Variants in DNAH7 observed in about 807,000 individuals in gnomAD.
The protein encoded by DNAH7 is axonemal beta dynein heavy chain 7.
A neutral mutation model predicts 444.6 loss-of-function variants in DNAH7; 397 were observed. The observed-to-expected ratio is 0.89, with a 90% CI of 0.82 to 0.97. The LOEUF (loss-of-function observed/expected upper bound fraction) is 0.97, where lower values mean the gene tolerates loss of function less well. DNAH7 is among the 50% of genes least tolerant of loss of function. DNAH7 has a pLI of 0.00. For missense variants in DNAH7, 4,902 were observed against 4,800.8 expected (o/e 1.02, Z -0.62); for synonymous variants, 1,636 against 1,624.4 (o/e 1.01, Z -0.17).
intron 11 of DNAH7, among the ~76,000 whole-genome samples, chr2:196,001,375 T>TTTTC (rs1460422025): frequency 6.6e-6 from 1 of 152,054 alleles, no homozygotes; most frequent in Admixed American, 6.5e-5. Context: ...ATTAACTCTT[T>TTTTC]TTTTTTTGAG....
At chr2:195,959,897 C>T (rs1690960261) in intron 18 of DNAH7, among the ~76,000 whole-genome samples, 1 of 152,018 alleles carries the variant, frequency 6.6e-6, no homozygotes, top group African/African-American at 2.4e-5. Flanking sequence ...TTCACAGATA[C>T]AAAATTATTT....
intron 21 of DNAH7, among the ~76,000 whole-genome samples, chr2:195,932,739 C>T (rs1424893981): frequency 6.6e-6 from 1 of 152,140 alleles, no homozygotes; most frequent in Non-Finnish European, 1.5e-5. Context: ...TTGTGTGTGT[C>T]GAACCAGCCT....
At chr2:195,957,504 T>C in intron 18 of DNAH7, 57 bp from the exon 19 acceptor site, 1 of 1,402,040 alleles carries the variant, frequency 7.1e-7, no homozygotes, top group Non-Finnish European at 9.5e-7. Context: ...ATGTTTCAAA[T>C]GACAAAATTC....
chr2:195,746,519 C>G (rs1429551177), intron 63 of DNAH7, among the ~76,000 whole-genome samples: 1 of 152,172 alleles, frequency 6.6e-6, no homozygotes. Flanking sequence ...ACAGAACTCT[C>G]CACCCCAAAT....
intron 63 of DNAH7, among the ~76,000 whole-genome samples, chr2:195,751,936 G>A (rs1367428449): frequency 6.6e-6 from 1 of 152,166 alleles, no homozygotes; most frequent in Non-Finnish European, 1.5e-5. Context: ...GGTAATGACA[G>A]TAGGGAGACA....
At chr2:195,943,859 T>C (rs1559253866) in intron 19 of DNAH7, among the ~76,000 whole-genome samples, 3 of 152,300 alleles carry the variant, frequency 2.0e-5, no homozygotes, top group Admixed American at 1.3e-4. Context: ...CCGGTTGACA[T>C]GTACAGACTA....
chr2:195,756,884 TG>T (rs1449526051), intron 61 of DNAH7, among the ~76,000 whole-genome samples: 2 of 151,058 alleles, frequency 1.3e-5, no homozygotes, highest in African/African-American at 4.9e-5. Context: ...CCCAGTGACT[TG>T]GGGGGATGAG....
At chr2:195,884,534 G>C (rs542787009) in intron 35 of DNAH7, 51 bp downstream of exon 35, 4 of 1,365,668 alleles carry the variant, frequency 2.9e-6, no homozygotes, top group East Asian at 2.3e-5. Context: ...ATGTGTCAGA[G>C]AGGGGACTCT....
At position 195,936,679 on chromosome 2, in the gene DNAH7, TTTC is replaced by T. The variant is rs754395287; in HGVS notation, c.3189_3191del (p.Lys1064del). Reference sequence around the variant, plus strand: ...AAAAGAATCTGGGGAAAAAGAGGCGTTTCTTTTCCAAATATTCATTAAGTCCTT... The same window carrying T: ...AAAAGAATCTGGGGAAAAAGAGGCGTTTTTCCAAATATTCATTAAGTCCTT... On this transcript the variant is annotated inframe_deletion, in exon 20 of 65. Coordinates refer to ENST00000312428, the MANE Select transcript of DNAH7 (RefSeq NM_018897.3). The T allele has an allele frequency of 1.9e-6, 3 of 1,605,232 alleles. 1 individual carries two copies. The Admixed American group carries it at 5.1e-5, about 27-fold the overall frequency.
chr2:195,933,395 C>T (rs890695610), intron 21 of DNAH7, among the ~76,000 whole-genome samples: 132 of 152,186 alleles, frequency 8.7e-4, no homozygotes, highest in Non-Finnish European at 1.3e-3. Flanking sequence ...CATCCCATTA[C>T]TGGGTCTATA....
intron 9 of DNAH7, 57 bp downstream of exon 9, chr2:196,019,113 T>C (rs2125748737): frequency 1.5e-6 from 2 of 1,360,978 alleles, no homozygotes; most frequent in East Asian, 2.6e-5. Flanking sequence ...AATTAAGATA[T>C]AGTAAAACAA....
At chr2:196,027,442 CAA>C (rs939327008) in intron 6 of DNAH7, among the ~76,000 whole-genome samples, 12 of 151,672 alleles carry the variant, frequency 7.9e-5, no homozygotes, top group Non-Finnish European at 1.5e-4. Context: ...CATTTTAAAA[CAA>C]GTTATTATTT....
At chr2:195,823,478 C>T (rs1574496988) in intron 49 of DNAH7, among the ~76,000 whole-genome samples, 1 of 152,310 alleles carries the variant, frequency 6.6e-6, no homozygotes, top group East Asian at 1.9e-4. Context: ...CTCTGCCTCT[C>T]TGCAGAGAGA....
At chr2:195,799,198 G>T (rs1696324109) in intron 55 of DNAH7, 98 bp downstream of exon 55, 2 of 1,093,594 alleles carry the variant, frequency 1.8e-6, no homozygotes, top group South Asian at 3.1e-5. Context: ...AAGGTTGAAT[G>T]ACAAATTTCT....
Position 196,026,681 on chromosome 2 carries a change from T to C in DNAH7, c.667+79A>G, listed in dbSNP as rs1169221663. The stretch of plus-strand genomic sequence containing the variant: ...TTATAATATTGTGACTAGTTTCAAG[T>C]ATAGGTATTATTAATACAAAAATAA... On this transcript the variant is annotated intron_variant, in intron 7 of 64. Coordinates refer to ENST00000312428, the MANE Select transcript of DNAH7 (RefSeq NM_018897.3). The C allele has an allele frequency of 4.1e-6, 4 of 967,362 alleles. No individual in the cohort carries two copies. In the East Asian group the frequency reaches 1.1e-4, roughly 26 times the overall value. The allele number at this position is 967,362 out of a possible 1,614,324, so 59.9% of individuals were successfully genotyped here. A position where few individuals can be genotyped will look rare whatever the true frequency, so the allele number is the denominator to read the frequency against.
rs184997532 is a variant in DNAH7, at chr2:195,852,699, G to T, written c.8781+644C>A. On this transcript the variant is annotated intron_variant, in intron 46 of 64. Coordinates refer to ENST00000312428, the MANE Select transcript of DNAH7 (RefSeq NM_018897.3). ...TCCTAGGGTTAGATGTTCCGCCAGG[G>T]AGAAGAAAGAGGCAGAATCAGTCAG... Among the ~76,000 whole-genome samples, 11 of 152,280 alleles carry T rather than the reference G, an allele frequency of 7.2e-5. No individual in the cohort carries two copies. In the East Asian group the frequency reaches 1.7e-3, roughly 24 times the overall value.
chr2:195,836,942 C>T lies in DNAH7; in HGVS notation c.8946-2582G>A, dbSNP rs538953465. On this transcript the variant is annotated intron_variant, in intron 47 of 64. Transcript: ENST00000312428. ...CATTTAAGTCCTACTCATGTTTGAACATCAGCTCAAAAGCTATATAGTCCA... is the reference window on the plus strand; with the variant it reads ...CATTTAAGTCCTACTCATGTTTGAATATCAGCTCAAAAGCTATATAGTCCA... Among the ~76,000 whole-genome samples the T allele has an allele frequency of 8.5e-5, 13 of 152,306 alleles. No individual in the cohort carries two copies. In the South Asian group the frequency reaches 2.5e-3, roughly 29 times the overall value.
intron 57 of DNAH7, among the ~76,000 whole-genome samples, chr2:195,788,730 C>T (rs1319793312): frequency 2.6e-5 from 4 of 151,994 alleles, no homozygotes; most frequent in Non-Finnish European, 4.4e-5. Context: ...AAGGGACATA[C>T]AAATATGGAA....
rs765064197 is a variant in DNAH7, at chr2:195,810,407, ATTAT to A, written c.9762-540_9762-537del. 6.3e-4 allele frequency among the ~76,000 whole-genome samples: 96 copies of A among 152,014 alleles called. 1 individual carries two copies. The highest frequency in any genetic ancestry group is 1.9e-3 in the Admixed American group (29 of 15,246). On this transcript the variant is annotated intron_variant, in intron 51 of 64. Transcript: ENST00000312428. ...GGAATAATCACAATATTTCCTTTTTATTATTTATTTATTTATTTGAGACAGGGTC... is the reference window on the plus strand; with the variant it reads ...GGAATAATCACAATATTTCCTTTTTATTATTTATTTATTTGAGACAGGGTC...
Sources: gnomAD v4.1 joint callset for allele counts (sites outside exome capture counted in the v4.1 genomes callset) on GRCh38, gnomAD v4.1.1 for gene constraint, MANE v1.5 for transcripts, NCBI Gene and HGNC (gene_info 2026-07-23, HGNC 2026-07-21) for gene names.